Variants in RNF213 observed in about 807,000 individuals in gnomAD.
RNF213 encodes ring finger protein 213.
In RNF213, 341 loss-of-function variants were observed where a neutral mutation model predicts 514.4. That is an observed-to-expected ratio of 0.66 (90% confidence interval 0.61 to 0.73). The LOEUF (loss-of-function observed/expected upper bound fraction) is 0.73, where lower values mean the gene tolerates loss of function less well. Ranked by LOEUF, RNF213 falls within the 30% of genes least tolerant of loss-of-function variation. The pLI, the probability that RNF213 is intolerant of heterozygous loss-of-function variation, is 0.00. For missense variants in RNF213, 5,767 were observed against 6,615.6 expected (o/e 0.87, Z 4.45); for synonymous variants, 2,655 against 2,658.2 (o/e 1.00, Z 0.04).
Position 80,376,912 on chromosome 17 carries a change from T to C in RNF213, c.13459T>C (p.Leu4487=), listed in dbSNP as rs1568157509. The C allele has an allele frequency of 6.2e-7, 1 of 1,614,160 alleles. No individual in the cohort carries two copies. Among genetic ancestry groups the C allele is most frequent in the Non-Finnish European group, 8.5e-7 (1 of 1,180,024 alleles). Residue 4487 remains leucine (L), a synonymous_variant, in exon 53 of 68, where the codon TTG becomes CTG. Transcript: ENST00000582970. ...HAFLPTMPED[L]LAQARRWKGL... Reference sequence around the variant, plus strand: ...TTTTCTTCCAACCATGCCTGAAGACTTGCTGGCTCAAGCTCGGAGGTGGAA... The same window carrying C: ...TTTTCTTCCAACCATGCCTGAAGACCTGCTGGCTCAAGCTCGGAGGTGGAA...
intron 17 of RNF213, among the ~76,000 whole-genome samples, chr17:80,322,831 T>G (rs373568102): frequency 6.6e-6 from 1 of 152,364 alleles, no homozygotes; most frequent in African/African-American, 2.4e-5. Flanking sequence ...ATTCTATGTG[T>G]TGTTTTTTCA....
chr17:80,345,599 A>G lies in RNF213; in HGVS notation c.7264A>G (p.Thr2422Ala). 6.2e-7 allele frequency: 1 copy of G among 1,613,984 alleles called. No individual in the cohort carries two copies. Among genetic ancestry groups the G allele is most frequent in the Non-Finnish European group, 8.5e-7 (1 of 1,179,884 alleles). Reference protein sequence around the residue: ...CGIPVIIMGETGCGKTRLIKF... With the variant: ...CGIPVIIMGEAGCGKTRLIKF... The stretch of plus-strand genomic sequence containing the variant: ...GATCCCGGTTATCATCATGGGAGAA[A>G]CTGGCTGTGGGAAAACCAGGCTTAT... The change falls in exon 29 of 68, where the codon ACT (threonine) becomes GCT (alanine). Residue 2422 changes from threonine to alanine, a missense_variant. Around this residue, in one of 13 missense-constraint regions of RNF213, gnomAD observed 1,377 missense variants for 1,635.2 expected, o/e 0.84. Transcript: ENST00000582970. This position sits in a 1 kb window ranked among gnomAD's most constrained non-coding sequence, Gnocchi z 6.0.
rs752312488 is a variant in RNF213, at chr17:80,375,833, A to G, written c.13148A>G (p.Tyr4383Cys). 3 of 1,614,114 alleles carry G rather than the reference A, an allele frequency of 1.9e-6. No homozygotes were observed. Among genetic ancestry groups the G allele is most frequent in the African/African-American group, 1.3e-5 (1 of 75,044 alleles). Residue 4383 changes from tyrosine (Y) to cysteine (C), a missense_variant, in exon 51 of 68, where the codon TAC becomes TGC. Coordinates refer to ENST00000582970, the MANE Select transcript of RNF213 (RefSeq NM_001256071.3). The part of the protein sequence containing the change: ...LTLFREVAIL[Y>C]RSHNASLHPT... ...CTGTTTAGAGAGGTGGCTATTTTGT[A>G]CAGATCCCACAATGCAAGCCTCCAC... is the stretch of plus-strand genomic sequence containing the variant.
chr17:80,304,530 C>G (rs961961286), intron 11 of RNF213, among the ~76,000 whole-genome samples: 67 of 147,852 alleles, frequency 4.5e-4, no homozygotes, highest in Non-Finnish European at 9.3e-4. Context: ...GTCACAGCTA[C>G]TGGGGAGGCT....
rs2078618615 is a variant in RNF213 at position 80,353,680 on chromosome 17, C to T, written c.10578+14C>T. On this transcript the variant is annotated intron_variant, in intron 34 of 67. Transcript: ENST00000582970. The surrounding 1 kb of genome is among the most constrained non-coding windows in gnomAD (Gnocchi z 5.0). ...GGAGGCAGTGATGTAAGTTCTGGTTCTTGGGACCTCCCCTTGTGCTGCTGG... is the reference window on the plus strand; with the variant it reads ...GGAGGCAGTGATGTAAGTTCTGGTTTTTGGGACCTCCCCTTGTGCTGCTGG... 6.2e-7 allele frequency: 1 copy of T among 1,614,140 alleles called. No individual in the cohort carries two copies. Among genetic ancestry groups the T allele is most frequent in the Non-Finnish European group, 8.5e-7 (1 of 1,180,002 alleles).
chr17:80,384,816 C>G (rs2080168225), intron 59 of RNF213: 1 of 593,828 alleles, frequency 1.7e-6, no homozygotes, highest in African/African-American at 1.8e-5. Context: ...TCCATAGAGG[C>G]TGGGCTCCCT....
chr17:80,319,829 C>G (rs542956193), intron 17 of RNF213: 1 of 1,204,872 alleles, frequency 8.3e-7, no homozygotes, highest in East Asian at 5.4e-5. Context: ...TGAGGAAGCT[C>G]CCTGCTGGCC....
chr17:80,382,374 G>C (rs1292390549), intron 57 of RNF213: 1 of 157,238 alleles, frequency 6.4e-6, no homozygotes, highest in Non-Finnish European at 1.4e-5. Flanking sequence ...ACCATTGTGA[G>C]GACAATGTTA....
rs534139343 is a variant in RNF213 at position 80,395,272 on chromosome 17, T to A, written c.*1774T>A. The A allele has an allele frequency of 6.6e-6, 1 of 152,296 alleles. No homozygotes were observed. Among genetic ancestry groups the A allele is most frequent in the South Asian group, 2.1e-4 (1 of 4,822 alleles). The allele number at this position is 152,296 out of a possible 1,614,324, so 9.4% of individuals were successfully genotyped here. The stretch of plus-strand genomic sequence containing the variant: ...AAAAAAATGAATTTTATTTTACTTG[T>A]CACACCTGTCTTAATAAACTGGAGT... On this transcript the variant is annotated 3_prime_UTR_variant, in exon 68 of 68. Transcript: ENST00000582970.
chr17:80,373,112 A>C lies in RNF213; in HGVS notation c.12889A>C (p.Lys4297Gln). 1 of 1,613,478 alleles carries C rather than the reference A, an allele frequency of 6.2e-7. No individual in the cohort carries two copies. The highest frequency in any genetic ancestry group is 1.1e-5 in the South Asian group (1 of 91,058). ...RGMEFVQGLSKPGRPHQWVFP... is the reference protein window; with the variant it reads ...RGMEFVQGLSQPGRPHQWVFP... ...GATGGAGTTCGTGCAGGGCCTCTCC[A>C]AGCCCGGCCGCCCGCACCAGTGGGT... The change falls in exon 49 of 68, where the codon AAG becomes CAG. Residue 4297 changes from lysine to glutamine, a missense_variant. Physicochemically the swap from Lys to Gln is moderately conservative, Grantham distance 53. Transcript: ENST00000582970.
rs774141676 is a variant in RNF213, at chr17:80,343,825, T to A, written c.6184-32T>A. 5 of 1,613,200 alleles carry A rather than the reference T, an allele frequency of 3.1e-6. No individual in the cohort carries two copies. The African/African-American group carries it at 4.0e-5, about 13-fold the overall frequency. The stretch of plus-strand genomic sequence containing the variant: ...GTTGGGAGAACTCGCCATCGTGTCG[T>A]GTGTTTACACCTCGTGCGATTCTGT... On this transcript the variant is annotated intron_variant, in intron 27 of 67. Transcript: ENST00000582970. This position sits in a 1 kb window ranked among gnomAD's most constrained non-coding sequence, Gnocchi z 4.3.
chr17:80,309,215 C>T (rs761521948), intron 14 of RNF213, 44 bp downstream of exon 14: 53 of 1,611,162 alleles, frequency 3.3e-5, no homozygotes, highest in East Asian at 6.7e-5. Flanking sequence ...GGGATAGGTG[C>T]GGAATTTCAA....
Position 80,364,463 on chromosome 17 carries a change from A to G in RNF213, c.11781A>G (p.Ala3927=), listed in dbSNP as rs758941357. The G allele has an allele frequency of 3.7e-6, 6 of 1,613,194 alleles. No individual in the cohort carries two copies. In the South Asian group the frequency reaches 4.4e-5, roughly 12 times the overall value. The change falls in exon 42 of 68, where the codon GCA becomes GCG. Residue 3927 remains alanine, a synonymous_variant. Transcript: ENST00000582970. ...RAQWSRIFST[A]LFVEHVLLGT... is the part of the protein sequence containing the mutation. ...AGTGGAGTCGGATTTTCTCCACCGC[A>G]CTCTTCGTGGAGCACGTGCTCCTAG...
At chr17:80,340,379 C>A in intron 26 of RNF213, 23 bp downstream of exon 26, 1 of 1,585,992 alleles carries the variant, frequency 6.3e-7, no homozygotes, top group Admixed American at 1.8e-5. Context: ...GCAGGGTGGG[C>A]AGGCCCCGTC....
intron 6 of RNF213, 113 bp from the exon 7 acceptor site, chr17:80,290,457 G>T: frequency 7.8e-7 from 1 of 1,284,254 alleles, no homozygotes; most frequent in Non-Finnish European, 1.1e-6. Context: ...GTGTGCGAGT[G>T]CATGTGTGTG....
chr17:80,338,104 T>C (rs1359829189), intron 25 of RNF213, 107 bp downstream of exon 25: 2 of 1,342,580 alleles, frequency 1.5e-6, no homozygotes, highest in Non-Finnish European at 2.0e-6. Context: ...ATTTGACTGA[T>C]AAGAAGGGCT....
rs2046433992 is a variant in RNF213, at chr17:80,332,166, G to A, written c.3678G>A (p.Leu1226=). ...QVQEMAGKID[L]LRDSHIFQLF... The stretch of plus-strand genomic sequence containing the variant: ...AAGAAATGGCTGGGAAGATAGACTT[G>A]CTCAGAGACAGCCACATCTTCCAGC... Residue 1226 remains leucine, a synonymous_variant, in exon 21 of 68, where the codon TTG becomes TTA. Transcript: ENST00000582970. 2.0e-6 allele frequency: 3 copies of A among 1,537,040 alleles called. No homozygotes were observed. The highest frequency in any genetic ancestry group is 2.0e-5 in the Admixed American group (1 of 50,976).
chr17:80,296,036 C>G (rs951022228), intron 10 of RNF213, among the ~76,000 whole-genome samples: 1 of 151,902 alleles, frequency 6.6e-6, no homozygotes, highest in African/African-American at 2.4e-5. Context: ...TTGTTTTCCC[C>G]CCAGACGGCG....
chr17:80,388,579 A>C, intron 63 of RNF213, 33 bp from the exon 64 acceptor site: 1 of 1,420,780 alleles, frequency 7.0e-7, no homozygotes, highest in Non-Finnish European at 9.9e-7. Flanking sequence ...CGATGGATTT[A>C]ATTTTAAAAA....
Sources: gnomAD v4.1 joint callset for allele counts (sites outside exome capture counted in the v4.1 genomes callset) on GRCh38, gnomAD v4.1.1 for gene constraint, gnomAD v4.1.1 regional missense constraint, Gnocchi (gnomAD v3.1) non-coding constraint, MANE v1.5 for transcripts, NCBI Gene and HGNC (gene_info 2026-07-23, HGNC 2026-07-21) for gene names.